The following CFAP44 variants were observed in gnomAD, a reference collection of about 807,000 sequenced individuals.
CFAP44 encodes cilia and flagella associated protein 44.
In CFAP44, 134 loss-of-function variants were observed where a neutral mutation model predicts 216.2. The observed-to-expected ratio is 0.62, with a 90% CI of 0.54 to 0.72. The LOEUF is 0.72. CFAP44 is among the 30% of genes least tolerant of loss of function. The pLI is 0.00. For synonymous variants in CFAP44, 700 were observed against 727.6 expected (o/e 0.96, Z 0.61); for missense variants, 2,035 against 2,182.1 (o/e 0.93, Z 1.34).
At chr3:113,417,141 G>C (rs1559942728) in intron 5 of CFAP44, 1 of 152,424 alleles carries the variant, frequency 6.6e-6, no homozygotes, top group Admixed American at 6.5e-5. Context: ...GAGATGAACT[G>C]TCTACCCTAC....
At chr3:113,388,774 C>T (rs888968806) in intron 15 of CFAP44, among the ~76,000 whole-genome samples, 1 of 152,052 alleles carries the variant, frequency 6.6e-6, no homozygotes, top group South Asian at 2.1e-4. Flanking sequence ...GATTTTAAGA[C>T]ATAGAAGGTC....
chr3:113,436,161 G>A (rs1002757504), intron 1 of CFAP44, among the ~76,000 whole-genome samples: 1 of 151,956 alleles, frequency 6.6e-6, no homozygotes, highest in Non-Finnish European at 1.5e-5. Context: ...GTTGGCCAGG[G>A]CTGAGAATAT....
chr3:113,305,132 A>G lies in CFAP44; in HGVS notation c.4779T>C (p.Asn1593=), dbSNP rs1949972977. ...CCAGGGCCTCCTCTGCTGCATTCAG[A>G]TTAGTTGCCACAATTTTCACCTGTA... is the stretch of plus-strand genomic sequence containing the variant. ...LSKKVKIVAT[N]LNAAEEALEA... is the part of the protein sequence containing the mutation. Residue 1593 remains asparagine, a synonymous_variant, in exon 31 of 35, where the codon AAT becomes AAC. Coordinates refer to ENST00000393845, the MANE Select transcript of CFAP44 (RefSeq NM_001164496.2). 1.3e-6 allele frequency: 2 copies of G among 1,537,204 alleles called. No homozygotes were observed. The highest frequency in any genetic ancestry group is 8.7e-7 in the Non-Finnish European group (1 of 1,146,904).
intron 6 of CFAP44, among the ~76,000 whole-genome samples, chr3:113,413,719 A>G (rs1478183110): frequency 6.6e-6 from 1 of 151,992 alleles, no homozygotes; most frequent in African/African-American, 2.4e-5. Context: ...ATTGGTCTAT[A>G]TGTCTGTTTT....
chr3:113,323,598 T>C (rs1950163968), intron 28 of CFAP44, among the ~76,000 whole-genome samples: 1 of 152,110 alleles, frequency 6.6e-6, no homozygotes, highest in African/African-American at 2.4e-5. Context: ...AGCTGAATTT[T>C]TTTTTAGAAA....
intron 18 of CFAP44, among the ~76,000 whole-genome samples, chr3:113,368,644 T>C (rs1350795943): frequency 2.0e-5 from 3 of 152,106 alleles, no homozygotes; most frequent in South Asian, 4.1e-4. Context: ...ACATTCCAAA[T>C]TGTAAAGAAC....
chr3:113,363,088 A>G, intron 21 of CFAP44, 57 bp downstream of exon 21: 5 of 1,454,702 alleles, frequency 3.4e-6, no homozygotes, highest in Non-Finnish European at 4.5e-6. Flanking sequence ...GAAAATAGTC[A>G]TCTCTATCCA....
At chr3:113,320,177 G>C (rs1950128845) in intron 28 of CFAP44, among the ~76,000 whole-genome samples, 1 of 151,294 alleles carries the variant, frequency 6.6e-6, no homozygotes, top group Admixed American at 6.6e-5. Context: ...AGAAGAATTG[G>C]TACCAATTCT....
intron 30 of CFAP44, 37 bp downstream of exon 30, chr3:113,306,164 A>AT (rs1382427759): frequency 6.6e-7 from 1 of 1,524,904 alleles, no homozygotes; most frequent in South Asian, 1.2e-5. Context: ...GATGTGTAGC[A>AT]TTTTGAGAGG....
rs549598210 is a variant in CFAP44, at chr3:113,288,213, G to A, written c.*3344C>T. ...GAAGAATTTGATAAACAGGGTCCTA[G>A]GGAAGAGTCACTCTGACTGTTTAGG... On this transcript the variant is annotated 3_prime_UTR_variant, in exon 35 of 35. Transcript: ENST00000393845. The A allele has an allele frequency of 6.6e-6, 1 of 152,150 alleles. No individual in the cohort carries two copies. Among genetic ancestry groups the A allele is most frequent in the Non-Finnish European group, 1.5e-5 (1 of 68,014 alleles). The allele number at this position is 152,150 out of a possible 1,614,324, so 9.4% of individuals were successfully genotyped here.
intron 28 of CFAP44, 66 bp from the exon 29 acceptor site, chr3:113,308,334 A>C: frequency 7.9e-7 from 1 of 1,260,428 alleles, no homozygotes; most frequent in Admixed American, 2.8e-5. Flanking sequence ...TAGATTTTTA[A>C]AGTAAACTAT....
At chr3:113,304,240 A>C (rs1949964511) in intron 31 of CFAP44, 123 bp from the exon 32 acceptor site, 2 of 955,984 alleles carry the variant, frequency 2.1e-6, no homozygotes, top group Non-Finnish European at 3.0e-6. Flanking sequence ...TTGGGCTTCT[A>C]CGTCTTCCTT....
Position 113,441,096 on chromosome 3 carries a change from C to T in CFAP44, c.-6+357G>A, listed in dbSNP as rs975523648. Among the ~76,000 whole-genome samples the T allele has an allele frequency of 4.6e-5, 7 of 152,206 alleles. No homozygotes were observed. In the South Asian group the frequency reaches 1.2e-3, roughly 27 times the overall value. ...AGTGCAGAGGGCCCAGCGTGCCAAG[C>T]GTCGCACCCAGCTGAGCGCAGGGCA... On this transcript the variant is annotated intron_variant, in intron 1 of 34. Transcript: ENST00000393845.
chr3:113,382,210 G>C (rs970142681), intron 15 of CFAP44, among the ~76,000 whole-genome samples: 3 of 152,164 alleles, frequency 2.0e-5, no homozygotes, highest in Non-Finnish European at 4.4e-5. Flanking sequence ...GACTGAGAAA[G>C]AATGACAAGA....
chr3:113,397,479 G>C (rs1214851709), intron 13 of CFAP44: 1 of 152,212 alleles, frequency 6.6e-6, no homozygotes, highest in Non-Finnish European at 1.5e-5. Context: ...TGGGTTCCAG[G>C]GGGAAGTGGT....
intron 17 of CFAP44, among the ~76,000 whole-genome samples, chr3:113,378,324 T>C (rs1205406126): frequency 1.3e-5 from 2 of 152,210 alleles, no homozygotes; most frequent in Admixed American, 6.5e-5. Context: ...TACAATTGTT[T>C]TATAAAACAC....
intron 22 of CFAP44, among the ~76,000 whole-genome samples, chr3:113,350,377 A>G (rs534861271): frequency 6.6e-6 from 1 of 152,188 alleles, no homozygotes; most frequent in Non-Finnish European, 1.5e-5. Flanking sequence ...AGAGAGACAG[A>G]AAGTCAAAGA....
At chr3:113,391,279 T>C (rs904589073) in intron 15 of CFAP44, among the ~76,000 whole-genome samples, 1 of 152,196 alleles carries the variant, frequency 6.6e-6, no homozygotes, top group Non-Finnish European at 1.5e-5. Context: ...TTGGAAAAAC[T>C]GGATATCCAT....
At chr3:113,387,553 C>T (rs7623213) in intron 15 of CFAP44, among the ~76,000 whole-genome samples, 10,967 of 152,112 alleles carry the variant, frequency 0.072, 450 homozygotes, top group East Asian at 0.15. Context: ...CCAGGTAGTA[C>T]ACACTGTGGG....
Sources: gnomAD v4.1 joint callset for allele counts (sites outside exome capture counted in the v4.1 genomes callset) on GRCh38, gnomAD v4.1.1 for gene constraint, MANE v1.5 for transcripts, NCBI Gene and HGNC (gene_info 2026-07-23, HGNC 2026-07-21) for gene names.